Variants in ZDHHC14 observed in about 807,000 individuals in gnomAD.
ZDHHC14 encodes the protein palmitoyltransferase ZDHHC14.
Under a neutral mutation model 47.7 loss-of-function variants are expected in ZDHHC14, and 16 were observed. The observed-to-expected ratio is 0.34, with a 90% CI of 0.23 to 0.51. ZDHHC14 has a LOEUF of 0.51. Among genes scored for constraint, ZDHHC14 ranks in the 20% least tolerant of loss-of-function variants. The pLI, the probability that ZDHHC14 is intolerant of heterozygous loss-of-function variation, is 0.97. For missense variants in ZDHHC14, 515 were observed against 662.5 expected (o/e 0.78, Z 2.44); for synonymous variants, 293 against 278.9 (o/e 1.05, Z -0.50).
At chr6:157,650,569 C>T (rs1425083931) in intron 7 of ZDHHC14, among the ~76,000 whole-genome samples, 1 of 151,996 alleles carries the variant, frequency 6.6e-6, no homozygotes, top group Non-Finnish European at 1.5e-5. Context: ...TCCCTTCAGA[C>T]TCTTTTGATG....
At chr6:157,429,673 G>A (rs1778297500) in intron 1 of ZDHHC14, among the ~76,000 whole-genome samples, 1 of 151,514 alleles carries the variant, frequency 6.6e-6, no homozygotes, top group African/African-American at 2.4e-5. Flanking sequence ...AGGAAGGAGG[G>A]AGATCCGATT....
At chr6:157,449,503 C>A (rs986340638) in intron 1 of ZDHHC14, among the ~76,000 whole-genome samples, 1 of 152,152 alleles carries the variant, frequency 6.6e-6, no homozygotes, top group Non-Finnish European at 1.5e-5. Flanking sequence ...AGACTTCTGT[C>A]CCCCTGACAT....
Position 157,665,008 on chromosome 6 carries a change from T to C in ZDHHC14, c.1069-7716T>C, listed in dbSNP as rs1778492887. Among the ~76,000 whole-genome samples, 5 of 152,344 alleles carry C rather than the reference T, an allele frequency of 3.3e-5. No individual in the cohort carries two copies. The South Asian group carries it at 1.0e-3, about 32-fold the overall frequency. ...TCTCTATAGCTGAATGACTATGGTC[T>C]GCTCAGACTCCAGCTCTGTGCAATG... is the stretch of plus-strand genomic sequence containing the variant. On this transcript the variant is annotated intron_variant, in intron 8 of 8. Coordinates refer to ENST00000359775, the MANE Select transcript of ZDHHC14 (RefSeq NM_024630.3).
At chr6:157,613,949 A>G (rs926757463) in intron 3 of ZDHHC14, among the ~76,000 whole-genome samples, 14 of 152,234 alleles carry the variant, frequency 9.2e-5, no homozygotes, top group Admixed American at 8.5e-4. Context: ...AAGGGCTGAC[A>G]GTTTTAGTGT....
At chr6:157,465,105 C>CTTTTTTTTTTTTTTTTTTTTTTTTCTTT (rs772080368) in intron 1 of ZDHHC14, among the ~76,000 whole-genome samples, 1 of 102,008 alleles carries the variant, frequency 9.8e-6, no homozygotes, top group African/African-American at 3.9e-5. Context: ...TCTCTTTCTC[C>CTTTTTTTTTTTTTTTTTTTTTTTTCTTT]TTTTTTTTTT....
intron 1 of ZDHHC14, among the ~76,000 whole-genome samples, chr6:157,497,384 TAA>T (rs1780092777): frequency 6.6e-6 from 1 of 152,182 alleles, no homozygotes; most frequent in African/African-American, 2.4e-5. Context: ...GGATTAGGAT[TAA>T]AAGTTTTCAC....
intron 8 of ZDHHC14, among the ~76,000 whole-genome samples, chr6:157,669,337 G>A (rs146551754): frequency 6.6e-6 from 1 of 151,998 alleles, no homozygotes; most frequent in Non-Finnish European, 1.5e-5. Flanking sequence ...GGGTGGTGGG[G>A]GGGGAAGACA....
At chr6:157,613,377 GA>G (rs1169823665) in intron 3 of ZDHHC14, among the ~76,000 whole-genome samples, 1 of 152,134 alleles carries the variant, frequency 6.6e-6, no homozygotes. Flanking sequence ...TGCTGGTCAT[GA>G]CCAGCTAAAT....
intron 1 of ZDHHC14, among the ~76,000 whole-genome samples, chr6:157,392,645 ATGTGTGTGTGTG>A (rs372653506): frequency 2.0e-5 from 3 of 147,336 alleles, no homozygotes; most frequent in Non-Finnish European, 4.5e-5. Context: ...TAAGAGAAAG[ATGTGTGTGTGTG>A]TGTGTGTGTG....
intron 7 of ZDHHC14, among the ~76,000 whole-genome samples, chr6:157,653,051 A>G (rs1169272763): frequency 6.6e-6 from 1 of 152,206 alleles, no homozygotes; most frequent in African/African-American, 2.4e-5. Context: ...GAGATAGCCA[A>G]GCAGAGTGCA....
intron 3 of ZDHHC14, among the ~76,000 whole-genome samples, chr6:157,607,867 C>T (rs748342584): frequency 9.9e-5 from 15 of 152,166 alleles, no homozygotes; most frequent in African/African-American, 2.2e-4. Flanking sequence ...TTCCAAGCTC[C>T]GCATGGGCTT....
At chr6:157,489,590 T>C (rs1779865047) in intron 1 of ZDHHC14, among the ~76,000 whole-genome samples, 1 of 152,134 alleles carries the variant, frequency 6.6e-6, no homozygotes, top group Non-Finnish European at 1.5e-5. Context: ...TGGTTATTCA[T>C]AGGGAGAGGC....
chr6:157,664,637 G>A (rs1778476240), intron 8 of ZDHHC14, among the ~76,000 whole-genome samples: 1 of 152,154 alleles, frequency 6.6e-6, no homozygotes, highest in South Asian at 2.1e-4. Context: ...CTTACTTTAG[G>A]GCATGATTCT....
chr6:157,517,389 T>C (rs1350764796), intron 1 of ZDHHC14, among the ~76,000 whole-genome samples: 1 of 151,360 alleles, frequency 6.6e-6, no homozygotes, highest in Non-Finnish European at 1.5e-5. Context: ...GTCTCAACTA[T>C]AACCTCCGCC....
intron 1 of ZDHHC14, among the ~76,000 whole-genome samples, chr6:157,444,690 A>G (rs1321727329): frequency 1.3e-5 from 2 of 150,064 alleles, no homozygotes; most frequent in African/African-American, 2.4e-5. Flanking sequence ...AAAAAAAAAA[A>G]GGGATATACT....
intron 1 of ZDHHC14, among the ~76,000 whole-genome samples, chr6:157,490,891 C>A (rs530544395): frequency 1.6e-4 from 24 of 152,112 alleles, no homozygotes; most frequent in African/African-American, 5.5e-4. Flanking sequence ...CAACAGTTAT[C>A]TTATTTAACT....
At chr6:157,535,063 C>T (rs9505865) in intron 1 of ZDHHC14, among the ~76,000 whole-genome samples, 60,321 of 152,004 alleles carry the variant, frequency 0.4, 12,104 homozygotes, top group Admixed American at 0.46. Flanking sequence ...CTTAAGTAGA[C>T]CTCTCTGGGT....
intron 3 of ZDHHC14, among the ~76,000 whole-genome samples, chr6:157,606,476 A>C (rs1039180350): frequency 6.6e-6 from 1 of 151,814 alleles, no homozygotes; most frequent in Non-Finnish European, 1.5e-5. Context: ...CAAAAAAAAG[A>C]AAAAAGAAAA....
chr6:157,520,504 T>C (rs778920069), intron 1 of ZDHHC14, among the ~76,000 whole-genome samples: 3 of 152,202 alleles, frequency 2.0e-5, no homozygotes, highest in Non-Finnish European at 4.4e-5. Context: ...CACTGAACAA[T>C]ATGTTTGCAT....
Sources: gnomAD v4.1 joint callset for allele counts (sites outside exome capture counted in the v4.1 genomes callset) on GRCh38, gnomAD v4.1.1 for gene constraint, MANE v1.5 for transcripts, NCBI Gene and HGNC (gene_info 2026-07-23, HGNC 2026-07-21) for gene names.